Variants in TCF12 observed in about 807,000 individuals in gnomAD.
The protein encoded by TCF12 is transcription factor 12.
TCF12 carries 45 observed loss-of-function variants against 86.0 expected under a neutral mutation model. The observed-to-expected ratio is 0.52, with a 90% confidence interval of 0.41 to 0.67. The LOEUF (loss-of-function observed/expected upper bound fraction) is 0.67, where lower values mean the gene tolerates loss of function less well. Among genes scored for constraint, TCF12 ranks in the 30% least tolerant of loss-of-function variants. The pLI, the probability that TCF12 is intolerant of heterozygous loss-of-function variation, is 0.00. For synonymous variants in TCF12, 330 were observed against 299.6 expected (o/e 1.10, Z -1.05); for missense variants, 881 against 859.9 (o/e 1.02, Z -0.31).
At chr15:57,064,074 G>A (rs976600086) in intron 4 of TCF12, among the ~76,000 whole-genome samples, 1 of 152,116 alleles carries the variant, frequency 6.6e-6, no homozygotes, top group Non-Finnish European at 1.5e-5. Context: ...CTACTAAAGA[G>A]CTTAGAATGC....
At chr15:57,239,053 T>G (rs571628406) in intron 12 of TCF12, among the ~76,000 whole-genome samples, 70 of 152,178 alleles carry the variant, frequency 4.6e-4, no homozygotes, top group African/African-American at 1.7e-3. Context: ...ATAGGGTATG[T>G]AGGTTAAAAG....
intron 3 of TCF12, among the ~76,000 whole-genome samples, chr15:57,039,645 T>C (rs1404597616): frequency 6.6e-6 from 1 of 152,196 alleles, no homozygotes; most frequent in Non-Finnish European, 1.5e-5. Context: ...GTAGAATTTT[T>C]TACCCTCAGC....
At chr15:57,065,609 G>T (rs1364050165) in intron 4 of TCF12, among the ~76,000 whole-genome samples, 2 of 151,696 alleles carry the variant, frequency 1.3e-5, no homozygotes, top group Non-Finnish European at 1.5e-5. Context: ...TCTCTTTCAG[G>T]CTTTCTTCAC....
At chr15:56,963,079 T>C (rs1206317139) in intron 3 of TCF12, among the ~76,000 whole-genome samples, 1 of 150,862 alleles carries the variant, frequency 6.6e-6, no homozygotes, top group African/African-American at 2.4e-5. Context: ...TCTGAAATTG[T>C]AATAAAAATC....
chr15:57,007,033 C>G (rs2064421037), intron 3 of TCF12, among the ~76,000 whole-genome samples: 1 of 152,038 alleles, frequency 6.6e-6, no homozygotes, highest in Non-Finnish European at 1.5e-5. Context: ...GGAATTACTG[C>G]TTCGTAATTG....
At chr15:57,264,048 A>G (rs1278376208) in intron 18 of TCF12, among the ~76,000 whole-genome samples, 9 of 152,036 alleles carry the variant, frequency 5.9e-5, no homozygotes, top group South Asian at 4.2e-4. Flanking sequence ...TTTTTCTTCA[A>G]TAGTAAATTA....
At chr15:57,257,735 G>A (rs1343259584) in intron 16 of TCF12, among the ~76,000 whole-genome samples, 1 of 150,648 alleles carries the variant, frequency 6.6e-6, no homozygotes, top group African/African-American at 2.4e-5. Flanking sequence ...CCAGCCTGCA[G>A]TACGGACAAG....
chr15:57,123,525 T>C (rs752599604), intron 5 of TCF12, among the ~76,000 whole-genome samples: 3 of 151,138 alleles, frequency 2.0e-5, no homozygotes, highest in East Asian at 3.9e-4. Context: ...TTTTTTTTTC[T>C]TTTTTTAAGA....
chr15:57,025,776 A>G (rs1365767230), intron 3 of TCF12, among the ~76,000 whole-genome samples: 2 of 152,254 alleles, frequency 1.3e-5, no homozygotes, highest in African/African-American at 4.8e-5. Flanking sequence ...CACCAGTGTG[A>G]TGAAACGTAG....
At chr15:57,268,254 G>C (rs1447260926) in intron 18 of TCF12, among the ~76,000 whole-genome samples, 5 of 152,188 alleles carry the variant, frequency 3.3e-5, no homozygotes, top group African/African-American at 1.2e-4. Context: ...TTTTTCAAGT[G>C]CTCTTGGAGA....
chr15:56,983,003 G>A (rs1404943378), intron 3 of TCF12, among the ~76,000 whole-genome samples: 5 of 152,184 alleles, frequency 3.3e-5, no homozygotes, highest in Admixed American at 6.5e-5. Context: ...GGACTACACA[G>A]TATATGAAGG....
chr15:57,277,528 C>G (rs1354008503), intron 19 of TCF12, among the ~76,000 whole-genome samples: 1 of 150,344 alleles, frequency 6.7e-6, no homozygotes, highest in Non-Finnish European at 1.5e-5. Flanking sequence ...ACTTGGGAGG[C>G]TGAGGCAGGA....
intron 3 of TCF12, among the ~76,000 whole-genome samples, chr15:57,045,137 T>C (rs1054860185): frequency 6.6e-6 from 1 of 152,224 alleles, no homozygotes; most frequent in Non-Finnish European, 1.5e-5. Context: ...ATGGTGATTA[T>C]AGACACTTAG....
intron 6 of TCF12, among the ~76,000 whole-genome samples, chr15:57,178,520 G>A (rs749786580): frequency 2.8e-4 from 43 of 152,290 alleles, no homozygotes; most frequent in Non-Finnish European, 5.6e-4. Context: ...GAACTCTTCT[G>A]AAAATAGTAG....
At chr15:57,029,724 T>TA (rs1481001384) in intron 3 of TCF12, among the ~76,000 whole-genome samples, 1 of 152,248 alleles carries the variant, frequency 6.6e-6, no homozygotes, top group African/African-American at 2.4e-5. Flanking sequence ...TTCAAGCTGT[T>TA]ACTTTCCCCT....
rs2057250625 is a variant in TCF12 at position 57,196,098 on chromosome 15, G to A, written c.527-1675G>A. ...CCAGCACTTTGGGAGGCCGAGGCCA[G>A]AGAATCACTTGAGGCCACCTCTACA... On this transcript the variant is annotated intron_variant, in intron 7 of 20. Coordinates refer to ENST00000333725, the MANE Select transcript of TCF12 (RefSeq NM_207037.2). Among the ~76,000 whole-genome samples, 4 of 151,998 alleles carry A rather than the reference G, an allele frequency of 2.6e-5. No homozygotes were observed. In the South Asian group the frequency reaches 8.3e-4, roughly 31 times the overall value.
At chr15:57,112,319 T>C (rs1354561555) in intron 5 of TCF12, among the ~76,000 whole-genome samples, 1 of 152,174 alleles carries the variant, frequency 6.6e-6, no homozygotes, top group African/African-American at 2.4e-5. Context: ...AGAAGCCAAG[T>C]CTCAGGCAGT....
At chr15:57,213,060 A>G (rs1461417630) in intron 8 of TCF12, among the ~76,000 whole-genome samples, 1 of 152,208 alleles carries the variant, frequency 6.6e-6, no homozygotes, top group Non-Finnish European at 1.5e-5. Flanking sequence ...TCTGTTTCCC[A>G]GTGTCTGTTT....
At chr15:57,065,036 A>G (rs1361468007) in intron 4 of TCF12, among the ~76,000 whole-genome samples, 1 of 152,136 alleles carries the variant, frequency 6.6e-6, no homozygotes, top group Non-Finnish European at 1.5e-5. Context: ...GAGTTAAAAT[A>G]CCTTTTAAAA....
Sources: gnomAD v4.1 joint callset for allele counts (sites outside exome capture counted in the v4.1 genomes callset) on GRCh38, gnomAD v4.1.1 for gene constraint, MANE v1.5 for transcripts, NCBI Gene and HGNC (gene_info 2026-07-23, HGNC 2026-07-21) for gene names.